PDE11A: variants seen among roughly 807,000 people sequenced by gnomAD.
The protein encoded by PDE11A is dual 3',5'-cyclic-AMP and -GMP phosphodiesterase 11A.
PDE11A carries 100 observed loss-of-function variants against 100.5 expected under a neutral mutation model. The observed-to-expected ratio is 1.00, with a 90% CI of 0.85 to 1.18. The LOEUF (loss-of-function observed/expected upper bound fraction) is 1.18, where lower values mean the gene tolerates loss of function less well. Ranked by LOEUF, PDE11A falls within the 50% of genes most tolerant of loss-of-function variation. PDE11A has a pLI of 0.00. For synonymous variants in PDE11A, 381 were observed against 420.8 expected (o/e 0.91, Z 1.16); for missense variants, 1,141 against 1,152.6 (o/e 0.99, Z 0.15).
At chr2:177,901,220 C>T (rs1052474458) in intron 3 of PDE11A, among the ~76,000 whole-genome samples, 2 of 152,064 alleles carry the variant, frequency 1.3e-5, no homozygotes, top group Non-Finnish European at 2.9e-5. Flanking sequence ...CCACCCAGAT[C>T]GATAAATTGG....
intron 5 of PDE11A, 92 bp from the exon 6 acceptor site, chr2:177,840,475 T>C (rs2083473934): frequency 2.7e-6 from 3 of 1,113,326 alleles, no homozygotes; most frequent in Non-Finnish European, 4.1e-6. Context: ...ATCAGGATAA[T>C]CTGTCCTTAT....
chr2:177,631,567 A>G (rs2079941403), intron 19 of PDE11A, among the ~76,000 whole-genome samples: 2 of 39,780 alleles, frequency 5.0e-5, no homozygotes, highest in African/African-American at 9.8e-5. Context: ...ATATATATAT[A>G]TACATGTATA....
intron 2 of PDE11A, among the ~76,000 whole-genome samples, chr2:177,946,002 TG>T (rs1447007150): frequency 7.3e-6 from 1 of 136,056 alleles, no homozygotes; most frequent in Non-Finnish European, 1.6e-5. Flanking sequence ...AGGAGGGAGA[TG>T]GGGGGTCAGC....
intron 9 of PDE11A, among the ~76,000 whole-genome samples, chr2:177,799,858 C>T (rs146107825): frequency 2.7e-3 from 408 of 152,172 alleles, no homozygotes; most frequent in African/African-American, 9.1e-3. Flanking sequence ...TTGAAGTATT[C>T]GCTTTCATCT....
chr2:177,775,531 G>T (rs542111176), intron 9 of PDE11A, among the ~76,000 whole-genome samples: 12 of 152,292 alleles, frequency 7.9e-5, no homozygotes, highest in African/African-American at 2.6e-4. Context: ...CATGAGGTTA[G>T]GTCCAAAGCC....
intron 1 of PDE11A, among the ~76,000 whole-genome samples, chr2:178,070,420 T>C (rs147778018): frequency 7.2e-5 from 11 of 152,302 alleles, no homozygotes; most frequent in African/African-American, 2.4e-4. Context: ...CCCACTCTTT[T>C]TGCTATTCTC....
chr2:177,656,911 G>A (rs977350663), intron 19 of PDE11A, among the ~76,000 whole-genome samples: 1 of 152,166 alleles, frequency 6.6e-6, no homozygotes, highest in Non-Finnish European at 1.5e-5. Context: ...GAAGTGGGCA[G>A]GGTGAAAGGA....
chr2:177,826,258 A>G (rs1293934302), intron 6 of PDE11A, among the ~76,000 whole-genome samples: 1 of 152,228 alleles, frequency 6.6e-6, no homozygotes, highest in East Asian at 1.9e-4. Flanking sequence ...TAGCTCTTGG[A>G]GCCATCAACA....
intron 2 of PDE11A, among the ~76,000 whole-genome samples, chr2:177,979,001 G>C (rs1457226370): frequency 7.6e-6 from 1 of 131,260 alleles, no homozygotes; most frequent in Admixed American, 7.6e-5. Flanking sequence ...TGGGTGCAGC[G>C]CACCAGCATG....
intron 5 of PDE11A, among the ~76,000 whole-genome samples, chr2:177,849,185 G>A (rs563767478): frequency 1.5e-4 from 23 of 152,232 alleles, no homozygotes; most frequent in South Asian, 2.1e-4. Flanking sequence ...ATCCTTACAC[G>A]GATGTCAGCC....
intron 2 of PDE11A, among the ~76,000 whole-genome samples, chr2:177,945,274 GC>G (rs928294199): frequency 6.7e-5 from 10 of 150,128 alleles, no homozygotes; most frequent in East Asian, 3.9e-4. Flanking sequence ...TCTCTGCCTG[GC>G]CGCCCATCGT....
chr2:178,027,244 T>A (rs927138991), intron 1 of PDE11A, among the ~76,000 whole-genome samples: 2 of 152,118 alleles, frequency 1.3e-5, no homozygotes, highest in African/African-American at 4.8e-5. Context: ...AGGAAATGGA[T>A]TATATTATGA....
intron 9 of PDE11A, among the ~76,000 whole-genome samples, chr2:177,796,702 T>G (rs2082712297): frequency 2.0e-5 from 3 of 152,158 alleles, no homozygotes; most frequent in Admixed American, 2.0e-4. Context: ...GGGCCTAAAG[T>G]GAATGTCAGT....
intron 5 of PDE11A, among the ~76,000 whole-genome samples, chr2:177,867,140 C>T (rs745662648): frequency 1.3e-5 from 2 of 152,096 alleles, no homozygotes; most frequent in African/African-American, 2.4e-5. Flanking sequence ...ATTTTTGTCA[C>T]GGATTGCATT....
intron 5 of PDE11A, among the ~76,000 whole-genome samples, chr2:177,843,547 G>A (rs2083525913): frequency 6.6e-6 from 1 of 152,170 alleles, no homozygotes. Flanking sequence ...CACTTACTGA[G>A]CAGGGGCTCC....
At chr2:178,038,631 T>C (rs747691925) in intron 1 of PDE11A, among the ~76,000 whole-genome samples, 10 of 151,766 alleles carry the variant, frequency 6.6e-5, no homozygotes, top group Admixed American at 1.3e-4. Flanking sequence ...GAAAAGAGGG[T>C]TGAGGGGGAG....
intron 2 of PDE11A, among the ~76,000 whole-genome samples, chr2:178,103,166 T>C (rs951127084): frequency 2.8e-5 from 4 of 140,526 alleles, no homozygotes; most frequent in Non-Finnish European, 6.3e-5. Flanking sequence ...TTGTTGTTGT[T>C]AAATATACAT....
rs189869825 is a variant in PDE11A, at chr2:177,933,740, C to A, written c.1072-28553G>T. Among the ~76,000 whole-genome samples, 3 of 152,214 alleles carry A rather than the reference C, an allele frequency of 2.0e-5. No individual in the cohort carries two copies. In the East Asian group the frequency reaches 5.8e-4, roughly 29 times the overall value. On this transcript the variant is annotated intron_variant, in intron 2 of 19. Coordinates refer to ENST00000286063, the MANE Select transcript of PDE11A (RefSeq NM_016953.4). ...CTCAACTTCACACTATCAGACTATA[C>A]TACAAGGCTATAGTAATCAAAACAG...
intron 19 of PDE11A, among the ~76,000 whole-genome samples, chr2:177,637,342 TCA>T (rs965156408): frequency 6.6e-6 from 1 of 152,158 alleles, no homozygotes; most frequent in African/African-American, 2.4e-5. Context: ...GCCACTCAGC[TCA>T]CATTCTGTCT....
Sources: allele counts gnomAD v4.1 joint callset (sites outside exome capture counted in the v4.1 genomes callset), GRCh38; gene constraint gnomAD v4.1.1; transcripts MANE v1.5; gene names NCBI Gene and HGNC (gene_info 2026-07-23, HGNC 2026-07-21).